Variants in ABR observed in about 807,000 individuals in gnomAD.
ABR encodes the protein ABR activator of RhoGEF and GTPase, also known as active breakpoint cluster region-related protein.
Under a neutral mutation model 107.2 loss-of-function variants are expected in ABR, and 35 were observed. That is an observed-to-expected ratio of 0.33 (90% confidence interval 0.25 to 0.43). The LOEUF is 0.43. Ranked by LOEUF, ABR falls within the 20% of genes least tolerant of loss-of-function variation. ABR has a pLI of 1.00. For synonymous variants in ABR, 498 were observed against 462.0 expected (o/e 1.08, Z -1.00); for missense variants, 815 against 1,115.2 (o/e 0.73, Z 3.83).
rs910975949 is a variant in ABR, at chr17:1,013,259, G to A, written c.1792-95C>T. 4.9e-6 allele frequency: 6 copies of A among 1,219,298 alleles called. No homozygotes were observed. The African/African-American group carries it at 9.0e-5, about 18-fold the overall frequency. 75.5% of individuals were successfully genotyped at this position (1,219,298 alleles called of 1,614,324 possible). A position where few individuals can be genotyped will look rare whatever the true frequency, so the allele number is the denominator to read the frequency against. ...AGCACTGCTCAGAGCCAGCTACACAGTCAGGAAGGCGGAAGTGAGCAGCTG... is the reference window on the plus strand; with the variant it reads ...AGCACTGCTCAGAGCCAGCTACACAATCAGGAAGGCGGAAGTGAGCAGCTG... On this transcript the variant is annotated intron_variant, in intron 16 of 22. Transcript: ENST00000302538.
At chr17:1,155,390 C>CA (rs887774965) in intron 1 of ABR, among the ~76,000 whole-genome samples, 6 of 152,110 alleles carry the variant, frequency 3.9e-5, no homozygotes, top group Non-Finnish European at 7.4e-5. Flanking sequence ...CTACCATATT[C>CA]AAAAAATAAC....
intron 1 of ABR, among the ~76,000 whole-genome samples, chr17:1,185,654 TAAAAA>T (rs775804045): frequency 2.5e-5 from 1 of 39,360 alleles, no homozygotes; most frequent in African/African-American, 9.7e-5. Context: ...CAGAAAGAAA[TAAAAA>T]AAAAAAAAAA....
At chr17:1,151,836 G>T (rs1414565755) in intron 1 of ABR, among the ~76,000 whole-genome samples, 1 of 152,220 alleles carries the variant, frequency 6.6e-6, no homozygotes, top group Non-Finnish European at 1.5e-5. Context: ...CGGCTAACAC[G>T]AGGAAACTCC....
At chr17:1,014,398 G>A (rs749637477) in intron 16 of ABR, among the ~76,000 whole-genome samples, 1 of 145,876 alleles carries the variant, frequency 6.9e-6, no homozygotes, top group Non-Finnish European at 1.5e-5. Context: ...CCGAGATCGC[G>A]CCACTGCACT....
chr17:1,050,030 C>T lies in ABR; in HGVS notation c.1791+20G>A, dbSNP rs1259542164. 2.5e-6 allele frequency: 4 copies of T among 1,609,888 alleles called. No individual in the cohort carries two copies. Among genetic ancestry groups the T allele is most frequent in the Admixed American group, 1.7e-5 (1 of 59,210 alleles). On this transcript the variant is annotated intron_variant, in intron 16 of 22. Transcript: ENST00000302538. The surrounding 1 kb of genome is among the most constrained non-coding windows in gnomAD (Gnocchi z 4.6). ...CCTCCTGGAGGCTCCCTCAGCCTCGCCCCGGCGCCCTGGCCTCACCTGGAT... is the reference window on the plus strand; with the variant it reads ...CCTCCTGGAGGCTCCCTCAGCCTCGTCCCGGCGCCCTGGCCTCACCTGGAT...
intron 2 of ABR, among the ~76,000 whole-genome samples, chr17:1,116,270 G>A (rs774903789): frequency 3.0e-5 from 4 of 134,612 alleles, no homozygotes; most frequent in Admixed American, 7.4e-5. Flanking sequence ...AGGAGAAGCC[G>A]GTACACAACA....
intron 13 of ABR, among the ~76,000 whole-genome samples, chr17:1,056,776 C>T (rs2033323768): frequency 6.6e-6 from 1 of 152,146 alleles, no homozygotes; most frequent in Non-Finnish European, 1.5e-5. Context: ...GCCAGTTCTC[C>T]CAAGCCAGAC....
At chr17:1,055,068 G>T (rs1434537233) in intron 14 of ABR, among the ~76,000 whole-genome samples, 5 of 152,152 alleles carry the variant, frequency 3.3e-5, no homozygotes, top group African/African-American at 1.2e-4. Context: ...GTGGATAACA[G>T]GTAGATAAAA....
intron 1 of ABR, among the ~76,000 whole-genome samples, chr17:1,137,331 CGA>C (rs2040113297): frequency 6.6e-6 from 1 of 152,158 alleles, no homozygotes; most frequent in South Asian, 2.1e-4. Context: ...CGTGAGCCAC[CGA>C]GCCCGGGCTA....
intron 2 of ABR, among the ~76,000 whole-genome samples, chr17:1,124,019 GC>G (rs1197096139): frequency 1.3e-5 from 2 of 152,146 alleles, no homozygotes; most frequent in Non-Finnish European, 2.9e-5. Flanking sequence ...CGCCTGGACT[GC>G]CGCTAAACTC....
At chr17:1,125,096 G>T in intron 2 of ABR, 87 bp downstream of exon 2, 2 of 1,397,910 alleles carry the variant, frequency 1.4e-6, no homozygotes, top group South Asian at 1.4e-5. Flanking sequence ...AATCTCTCGA[G>T]ACCAACCCAA....
chr17:1,041,601 C>T (rs551570729), intron 16 of ABR, among the ~76,000 whole-genome samples: 2 of 152,230 alleles, frequency 1.3e-5, no homozygotes, highest in East Asian at 1.9e-4. Context: ...GGCATGGTGG[C>T]GGGCGCCTTT....
intron 21 of ABR, among the ~76,000 whole-genome samples, chr17:1,009,266 C>G (rs1597337429): frequency 7.6e-6 from 1 of 130,834 alleles, no homozygotes; most frequent in East Asian, 2.6e-4. Flanking sequence ...CACTGCTGTC[C>G]ACCCCCCACT....
chr17:1,199,854 A>G (rs2042639393), intron 1 of ABR, among the ~76,000 whole-genome samples: 1 of 152,010 alleles, frequency 6.6e-6, no homozygotes. Context: ...GTAAAATGTG[A>G]CCCATAAAAT....
In ABR at chr17:1,027,478, GACTC is replaced by G. The variant is rs200619646; in HGVS notation, c.1792-14318_1792-14315del. On this transcript the variant is annotated intron_variant, in intron 16 of 22. Transcript: ENST00000302538. This position sits in a 1 kb window ranked among gnomAD's most constrained non-coding sequence, Gnocchi z 4.7. ...CAGAGTCCAGGGTTCCCGCTCTGCG[GACTC>G]AAGCAAGCCTCTTGGGAGCTGGCCT... Among the ~76,000 whole-genome samples, 1,069 of 152,326 alleles carry G rather than the reference GACTC, an allele frequency of 7.0e-3. 8 individuals are homozygous for G. Among genetic ancestry groups the G allele is most frequent in the South Asian group, 0.017 (84 of 4,828 alleles).
At chr17:1,173,176 CCAACACATCACCTCAGTCAACG>C (rs1326231804) in intron 1 of ABR, among the ~76,000 whole-genome samples, 6 of 125,496 alleles carry the variant, frequency 4.8e-5, no homozygotes, top group East Asian at 2.7e-4. Flanking sequence ...CTCAGTCCAC[CCAACACATCACCTCAGTCAACG>C]CAACACATCA....
At chr17:1,013,423 G>C (rs1367756953) in intron 16 of ABR, among the ~76,000 whole-genome samples, 2 of 149,890 alleles carry the variant, frequency 1.3e-5, no homozygotes, top group African/African-American at 2.5e-5. Context: ...TACCCGCCGT[G>C]GGGGAGGCAG....
At chr17:1,121,688 G>T (rs547392593) in intron 2 of ABR, among the ~76,000 whole-genome samples, 20 of 150,032 alleles carry the variant, frequency 1.3e-4, no homozygotes, top group Admixed American at 3.3e-4. Context: ...CCCCAGGCAG[G>T]GCTCTGAGCC....
chr17:1,018,082 G>GC (rs2071305820), intron 16 of ABR, among the ~76,000 whole-genome samples: 1 of 149,932 alleles, frequency 6.7e-6, no homozygotes, highest in Non-Finnish European at 1.5e-5. Flanking sequence ...TTGCTCTGTC[G>GC]CCCAGGCTGG....
Sources: gnomAD v4.1 joint callset for allele counts (sites outside exome capture counted in the v4.1 genomes callset) on GRCh38, gnomAD v4.1.1 for gene constraint, Gnocchi (gnomAD v3.1) non-coding constraint, MANE v1.5 for transcripts, NCBI Gene and HGNC (gene_info 2026-07-23, HGNC 2026-07-21) for gene names.